FEZ1: variants seen among roughly 807,000 people sequenced by gnomAD.
FEZ1 encodes the protein fasciculation and elongation protein zeta-1.
A neutral mutation model predicts 49.3 loss-of-function variants in FEZ1; 20 were observed. The observed-to-expected ratio is 0.41, with a 90% CI of 0.29 to 0.59. The LOEUF is 0.59. Among genes scored for constraint, FEZ1 ranks in the 20% least tolerant of loss-of-function variants. FEZ1 has a pLI of 0.36. For synonymous variants in FEZ1, 170 were observed against 180.9 expected, an observed-to-expected ratio of 0.94 and a Z score of 0.48; for missense variants, 413 against 476.0, an observed-to-expected ratio of 0.87 and a Z score of 1.23.
chr11:125,446,079 G>T lies in FEZ1; in HGVS notation c.*16C>A. ...CTCAGTGACCTCCTGCAGCGAGGCT[G>T]CTCCAAAGGGCAAGGTTAGGTAGGG... On this transcript the variant is annotated 3_prime_UTR_variant, in exon 10 of 10. Transcript: ENST00000278919. 6.2e-7 allele frequency: 1 copy of T among 1,613,346 alleles called. No individual in the cohort carries two copies. Among genetic ancestry groups the T allele is most frequent in the Non-Finnish European group, 8.5e-7 (1 of 1,179,340 alleles).
chr11:125,483,917 C>A (rs1957305999), intron 2 of FEZ1, among the ~76,000 whole-genome samples: 1 of 152,204 alleles, frequency 6.6e-6, no homozygotes. Context: ...TGAGCCTTTG[C>A]TGATAAGCTT....
rs1957455009 is a variant in FEZ1, at chr11:125,495,589, TG to T, written c.-46+531del. ...GCGGTCTGGGGAAGGCTCCGCACTC[TG>T]GGGAGGGGCACGAGCGGGGTCGGGG... On this transcript the variant is annotated intron_variant, in intron 1 of 9. Coordinates refer to ENST00000278919, the MANE Select transcript of FEZ1 (RefSeq NM_005103.5). This position sits in a 1 kb window ranked among gnomAD's most constrained non-coding sequence, Gnocchi z 4.2. The T allele has an allele frequency of 2.1e-6, 1 of 469,352 alleles. No homozygotes were observed. The highest frequency in any genetic ancestry group is 4.4e-6 in the Non-Finnish European group (1 of 226,218). The allele number at this position is 469,352 out of a possible 1,614,324, so 29.1% of individuals were successfully genotyped here.
chr11:125,492,958 A>G (rs1239087012), intron 1 of FEZ1, among the ~76,000 whole-genome samples: 1 of 143,942 alleles, frequency 6.9e-6, no homozygotes, highest in East Asian at 2.0e-4. Flanking sequence ...ACAAAGTGAG[A>G]CCCTATCTTT....
intron 3 of FEZ1, among the ~76,000 whole-genome samples, chr11:125,465,796 T>C (rs1957123913): frequency 6.6e-6 from 1 of 152,154 alleles, no homozygotes; most frequent in Non-Finnish European, 1.5e-5. Flanking sequence ...ATTCTGATCC[T>C]CTCACCCTTC....
intron 8 of FEZ1, among the ~76,000 whole-genome samples, chr11:125,450,295 G>T (rs973117147): frequency 6.6e-6 from 1 of 152,330 alleles, no homozygotes; most frequent in Non-Finnish European, 1.5e-5. Flanking sequence ...CTCCCAAAGT[G>T]CTGGGATTAC....
intron 3 of FEZ1, among the ~76,000 whole-genome samples, chr11:125,477,573 C>T (rs934317098): frequency 1.3e-5 from 2 of 152,138 alleles, no homozygotes; most frequent in African/African-American, 4.8e-5. Flanking sequence ...TATATGCAAA[C>T]TAACCAAAGC....
intron 2 of FEZ1, among the ~76,000 whole-genome samples, chr11:125,486,033 T>G (rs1338800480): frequency 6.6e-6 from 1 of 152,210 alleles, no homozygotes; most frequent in African/African-American, 2.4e-5. Flanking sequence ...ATAGAATCAA[T>G]ACTATATCCG....
chr11:125,453,592 C>G (rs1024126655), intron 7 of FEZ1: 3 of 152,312 alleles, frequency 2.0e-5, no homozygotes, highest in Admixed American at 6.5e-5. Context: ...CACCTGAGGG[C>G]TTAACAACAG....
chr11:125,463,732 C>T (rs994485863), intron 3 of FEZ1, among the ~76,000 whole-genome samples, 162 bp from the exon 4 acceptor site: 1 of 151,930 alleles, frequency 6.6e-6, no homozygotes, highest in African/African-American at 2.4e-5. Context: ...CAATTCCAAA[C>T]ATATCTTTGC....
intron 2 of FEZ1, among the ~76,000 whole-genome samples, chr11:125,482,009 G>GAGAGAGAGAGAGAGAA (rs1467585707): frequency 2.0e-5 from 3 of 148,410 alleles, no homozygotes; most frequent in Middle Eastern, 3.5e-3. Context: ...CCTATGGGCA[G>GAGAGAGAGAGAGAGAA]AGAGAGAGAG....
At chr11:125,463,076 G>C (rs1288224302) in intron 4 of FEZ1, among the ~76,000 whole-genome samples, 1 of 151,582 alleles carries the variant, frequency 6.6e-6, no homozygotes, top group African/African-American at 2.4e-5. Context: ...GAGGTGGGCA[G>C]ATCACTTGAG....
At chr11:125,451,839 T>C (rs1223691154) in intron 8 of FEZ1, among the ~76,000 whole-genome samples, 1 of 152,230 alleles carries the variant, frequency 6.6e-6, no homozygotes, top group African/African-American at 2.4e-5. Context: ...AGTCACTTCC[T>C]GGAAGGAAAG....
intron 2 of FEZ1, among the ~76,000 whole-genome samples, chr11:125,483,385 C>T (rs485680): frequency 0.19 from 28,197 of 152,120 alleles, 2,759 homozygotes; most frequent in African/African-American, 0.22. Context: ...CCTACCATTA[C>T]AAGAAAACAC....
intron 8 of FEZ1, among the ~76,000 whole-genome samples, chr11:125,449,253 C>T (rs1485895003): frequency 2.0e-5 from 3 of 148,522 alleles, no homozygotes; most frequent in African/African-American, 7.5e-5. Flanking sequence ...GCCATGTTGC[C>T]CAGGCTGGTC....
chr11:125,478,578 A>T (rs1957253430), intron 3 of FEZ1, among the ~76,000 whole-genome samples: 1 of 152,244 alleles, frequency 6.6e-6, no homozygotes, highest in African/African-American at 2.4e-5. Context: ...AATACAGAGC[A>T]CTGGTTAATC....
At chr11:125,491,064 G>A (rs576383997) in intron 1 of FEZ1, among the ~76,000 whole-genome samples, 1 of 152,198 alleles carries the variant, frequency 6.6e-6, no homozygotes, top group East Asian at 1.9e-4. Flanking sequence ...AAGCACCCAA[G>A]GTTTTCCCAC....
Position 125,445,317 on chromosome 11 carries a change from G to T in FEZ1, c.*778C>A, listed in dbSNP as rs191612400. The stretch of plus-strand genomic sequence containing the variant: ...GAAAGCTCAGCAGAGCTGACTTCCC[G>T]CAGGCCCTGAGCCTCCAGGTCCCCG... On this transcript the variant is annotated 3_prime_UTR_variant, in exon 10 of 10. Transcript: ENST00000278919. The surrounding 1 kb of genome is among the most constrained non-coding windows in gnomAD (Gnocchi z 4.4). Among the ~76,000 whole-genome samples, 1 of 152,194 alleles carries T rather than the reference G, an allele frequency of 6.6e-6. No homozygotes were observed. The highest frequency in any genetic ancestry group is 1.5e-5 in the Non-Finnish European group (1 of 68,032).
At chr11:125,450,276 C>T (rs1288046036) in intron 8 of FEZ1, among the ~76,000 whole-genome samples, 1 of 151,904 alleles carries the variant, frequency 6.6e-6, no homozygotes, top group Non-Finnish European at 1.5e-5. Flanking sequence ...GTGATCCACC[C>T]GCCTCGGCCT....
rs1484214376 is a variant in FEZ1 at position 125,445,516 on chromosome 11, G to A, written c.*579C>T. ...AGCCCCTGGTGCAGCTCCCTTGCAT[G>A]TGGCTGAGCAGCAAAAACTGAGGTT... is the stretch of plus-strand genomic sequence containing the variant. On this transcript the variant is annotated 3_prime_UTR_variant, in exon 10 of 10. Coordinates refer to ENST00000278919, the MANE Select transcript of FEZ1 (RefSeq NM_005103.5). The surrounding 1 kb of genome is among the most constrained non-coding windows in gnomAD (Gnocchi z 4.4). Among the ~76,000 whole-genome samples, 1 of 152,190 alleles carries A rather than the reference G, an allele frequency of 6.6e-6. No homozygotes were observed. Among genetic ancestry groups the A allele is most frequent in the African/African-American group, 2.4e-5 (1 of 41,442 alleles).
Sources: gnomAD v4.1 joint callset for allele counts (sites outside exome capture counted in the v4.1 genomes callset) on GRCh38, gnomAD v4.1.1 for gene constraint, Gnocchi (gnomAD v3.1) non-coding constraint, MANE v1.5 for transcripts, NCBI Gene and HGNC (gene_info 2026-07-23, HGNC 2026-07-21) for gene names.